Variants in URGCP observed in about 807,000 individuals in gnomAD.
URGCP encodes the protein upregulator of cell proliferation.
In URGCP, 13 loss-of-function variants were observed where a neutral mutation model predicts 24.6. The observed-to-expected ratio is 0.53, with a 90% CI of 0.34 to 0.84. The LOEUF is 0.84. Among genes scored for constraint, URGCP ranks in the 40% least tolerant of loss-of-function variants. The probability of loss-of-function intolerance (pLI) is 0.01; values close to 1 mark genes in which losing one functional copy is unlikely to be tolerated. For synonymous variants in URGCP, 444 were observed against 487.2 expected, an observed-to-expected ratio of 0.91 and a Z score of 1.17; for missense variants, 899 against 1,194.3, an observed-to-expected ratio of 0.75 and a Z score of 3.64.
chr7:43,895,343 C>T (rs1373519711), intron 1 of URGCP, among the ~76,000 whole-genome samples: 2 of 148,776 alleles, frequency 1.3e-5, no homozygotes, highest in Non-Finnish European at 3.0e-5. Context: ...AAATCAAAAT[C>T]ATAAAAAAAG....
At chr7:43,914,309 C>T (rs369905529) in intron 1 of URGCP, among the ~76,000 whole-genome samples, 9 of 152,060 alleles carry the variant, frequency 5.9e-5, no homozygotes, top group African/African-American at 2.2e-4. Context: ...TGAGATCAGC[C>T]TGGGAAACAT....
intron 1 of URGCP, among the ~76,000 whole-genome samples, chr7:43,917,807 TA>T (rs1562590786): frequency 6.6e-6 from 1 of 152,008 alleles, no homozygotes. Flanking sequence ...CCTGTCTCTA[TA>T]AAAAATAAAA....
At chr7:43,899,276 A>G (rs946386856) in intron 1 of URGCP, among the ~76,000 whole-genome samples, 6 of 147,622 alleles carry the variant, frequency 4.1e-5, no homozygotes, top group Non-Finnish European at 8.9e-5. Context: ...CTTAGGCAGA[A>G]AGGCTTAATT....
upstream of URGCP, among the ~76,000 whole-genome samples, chr7:43,907,851 C>G (rs1484278390): frequency 6.6e-6 from 1 of 152,314 alleles, no homozygotes; most frequent in East Asian, 1.9e-4. Context: ...TGTTTCTGAG[C>G]CTCCTTGTCC....
rs2095919462 is a variant in URGCP, at chr7:43,919,419, A to G, written c.-116+6713T>C. 7 of 893,034 alleles carry G rather than the reference A, an allele frequency of 7.8e-6. 1 individual carries two copies. The South Asian group carries it at 9.1e-5, about 12-fold the overall frequency. 55.3% of individuals were successfully genotyped at this position (893,034 alleles called of 1,614,324 possible). Reference sequence around the variant, plus strand: ...GTCCACCATCATCTCGGCCAGCACCATCACCCTGCGCTACCCCAGCTACAT... The same window carrying G: ...GTCCACCATCATCTCGGCCAGCACCGTCACCCTGCGCTACCCCAGCTACAT... On this transcript the variant is annotated intron_variant, in intron 1 of 5. Coordinates refer to the URGCP transcript ENST00000426198.
chr7:43,884,473 A>G (rs1271992923), intron 3 of URGCP, among the ~76,000 whole-genome samples: 1 of 152,188 alleles, frequency 6.6e-6, no homozygotes, highest in Non-Finnish European at 1.5e-5. Flanking sequence ...CCCTACCACC[A>G]TGGTGAGCCC....
chr7:43,913,402 T>C (rs2095912265), intron 1 of URGCP, among the ~76,000 whole-genome samples: 1 of 151,686 alleles, frequency 6.6e-6, no homozygotes, highest in African/African-American at 2.4e-5. Flanking sequence ...TTATTTTTAG[T>C]AGAGACGGGG....
chr7:43,890,452 G>A lies in URGCP; in HGVS notation c.15-2636C>T, dbSNP rs568928344. On this transcript the variant is annotated intron_variant, in intron 1 of 5. Coordinates refer to ENST00000453200, the MANE Select transcript of URGCP (RefSeq NM_001077663.3). ...AGGATGGTCTCGATCTCCTGACCTC[G>A]TGATCCACCCGCCTCAGCCTCCCAA... Among the ~76,000 whole-genome samples the A allele has an allele frequency of 2.7e-3, 406 of 148,872 alleles. 6 individuals carry two copies. Among genetic ancestry groups the A allele is most frequent in the Non-Finnish European group, 2.7e-3 (181 of 67,118 alleles).
chr7:43,889,187 ATAGTATCATTT>A lies in URGCP; in HGVS notation c.15-1382_15-1372del, dbSNP rs1289137949. ...TGTGGAGGGGGATGCTGCAGTCAGA[ATAGTATCATTT>A]TAGAGCAGGGTGCAGTGACTCATGC... is the stretch of plus-strand genomic sequence containing the variant. On this transcript the variant is annotated intron_variant, in intron 1 of 5. Transcript: ENST00000453200. 2.6e-5 allele frequency: 4 copies of A among 152,306 alleles called. No homozygotes were observed. In the East Asian group the frequency reaches 7.7e-4, roughly 29 times the overall value. 9.4% of individuals were successfully genotyped at this position (152,306 alleles called of 1,614,324 possible).
At chr7:43,919,022 C>A in intron 1 of URGCP, 1 of 1,149,408 alleles carries the variant, frequency 8.7e-7, no homozygotes, top group Non-Finnish European at 1.3e-6. Context: ...GCAGATTCTC[C>A]CAGAGGGAGA....
intron 1 of URGCP, among the ~76,000 whole-genome samples, chr7:43,897,543 C>T (rs1416652120): frequency 6.6e-6 from 1 of 151,612 alleles, no homozygotes; most frequent in African/African-American, 2.4e-5. Flanking sequence ...CTGAACTTTA[C>T]AGGCCACAAA....
rs756080025 is a variant in URGCP, at chr7:43,876,768, T to C, written c.2695A>G (p.Ile899Val). ...AAVSLAYSEA[I>V]FELKRCLLEN... Reference sequence around the variant, plus strand: ...AGTAGGCATCTCTTCAATTCAAATATGGCTTCACTGTAGGCCAAGCTCACT... The same window carrying C: ...AGTAGGCATCTCTTCAATTCAAATACGGCTTCACTGTAGGCCAAGCTCACT... The change falls in exon 6 of 6, where the codon ATA becomes GTA. Residue 899 changes from isoleucine to valine, a missense_variant. Ile to Val is a conservative substitution (Grantham distance 29, BLOSUM62 3). Transcript: ENST00000453200. 7 of 1,614,234 alleles carry C rather than the reference T, an allele frequency of 4.3e-6. No individual in the cohort carries two copies. Among genetic ancestry groups the C allele is most frequent in the South Asian group, 1.1e-5 (1 of 91,088 alleles).
At chr7:43,885,902 T>C (rs1303687756) in intron 3 of URGCP, among the ~76,000 whole-genome samples, 1 of 152,242 alleles carries the variant, frequency 6.6e-6, no homozygotes, top group African/African-American at 2.4e-5. Context: ...ATGTGCCTAG[T>C]GGCTACTGTG....
intron 1 of URGCP, among the ~76,000 whole-genome samples, chr7:43,901,132 G>A (rs769662685): frequency 6.6e-5 from 10 of 152,276 alleles, no homozygotes; most frequent in South Asian, 4.1e-4. Context: ...CTTAATATAC[G>A]CAACAGCATT....
intron 1 of URGCP, among the ~76,000 whole-genome samples, chr7:43,921,896 T>C (rs1324541596): frequency 6.6e-6 from 1 of 152,158 alleles, no homozygotes; most frequent in African/African-American, 2.4e-5. Context: ...GGTTTTCTTT[T>C]TCTTTTTTTT....
intron 1 of URGCP, among the ~76,000 whole-genome samples, chr7:43,897,298 T>G (rs987305619): frequency 8.5e-5 from 13 of 152,144 alleles, no homozygotes; most frequent in Non-Finnish European, 1.6e-4. Flanking sequence ...CAAGGTCAGG[T>G]GTGCTGAGAA....
intron 1 of URGCP, among the ~76,000 whole-genome samples, chr7:43,915,935 G>A (rs889301471): frequency 7.9e-5 from 12 of 152,166 alleles, no homozygotes. Context: ...CTTGAACCTG[G>A]GAGGTGGAGG....
At chr7:43,918,773 C>A in intron 1 of URGCP, 1 of 895,924 alleles carries the variant, frequency 1.1e-6, no homozygotes, top group Non-Finnish European at 1.9e-6. Context: ...AACAGCTGTG[C>A]ACTGAGCATG....
chr7:43,877,790 G>T lies in URGCP; in HGVS notation c.1673C>A (p.Pro558His). 6.2e-7 allele frequency: 1 copy of T among 1,602,878 alleles called. No homozygotes were observed. Residue 558 changes from proline to histidine, a missense_variant, in exon 6 of 6, where the codon CCC (proline) becomes CAC (histidine). Pro to His is a moderately conservative substitution (Grantham distance 77). Coordinates refer to ENST00000453200, the MANE Select transcript of URGCP (RefSeq NM_001077663.3). Reference protein sequence around the residue: ...VQEFISGISSPSLSEKQYFLR... With the variant: ...VQEFISGISSHSLSEKQYFLR... Reference sequence around the variant, plus strand: ...GAAGTACTGCTTCTCACTCAAGGAGGGGCTGCTGATCCCCGAGATGAACTC... The same window carrying T: ...GAAGTACTGCTTCTCACTCAAGGAGTGGCTGCTGATCCCCGAGATGAACTC...
Sources: allele counts gnomAD v4.1 joint callset (sites outside exome capture counted in the v4.1 genomes callset), GRCh38; gene constraint gnomAD v4.1.1; transcripts MANE v1.5; gene names NCBI Gene and HGNC (gene_info 2026-07-23, HGNC 2026-07-21).